The following PCBP3 variants were observed in gnomAD, a reference collection of about 807,000 sequenced individuals.
PCBP3 encodes the protein poly(rC)-binding protein 3.
PCBP3 carries 25 observed loss-of-function variants against 52.7 expected under a neutral mutation model. That is an observed-to-expected ratio of 0.47 (90% CI 0.35 to 0.66). PCBP3 has a LOEUF of 0.66. Among genes scored for constraint, PCBP3 ranks in the 30% least tolerant of loss-of-function variants. The pLI, the probability that PCBP3 is intolerant of heterozygous loss-of-function variation, is 0.01. For missense variants in PCBP3, 391 were observed against 490.3 expected, an observed-to-expected ratio of 0.80 and a Z score of 1.91; for synonymous variants, 162 against 183.0, an observed-to-expected ratio of 0.89 and a Z score of 0.93.
intron 4 of PCBP3, among the ~76,000 whole-genome samples, chr21:45,811,009 T>C (rs1415771087): frequency 1.3e-5 from 2 of 152,234 alleles, no homozygotes; most frequent in Admixed American, 6.5e-5. Context: ...TGACAACTTG[T>C]CTTTCATATC....
In PCBP3 at chr21:45,827,235, T is replaced by A. The variant is rs946193821; in HGVS notation, c.-125-22726T>A. ...GCTGAGGCCAGGGGCGGAACCTAGA[T>A]GCCTCTTCTAACCTGGCGGCAATGA... On this transcript the variant is annotated intron_variant, in intron 4 of 17. Coordinates refer to ENST00000681687, the MANE Select transcript of PCBP3 (RefSeq NM_001384156.1). This position sits in a 1 kb window ranked among gnomAD's most constrained non-coding sequence, Gnocchi z 4.3. Among the ~76,000 whole-genome samples the A allele has an allele frequency of 1.4e-4, 21 of 152,278 alleles. No homozygotes were observed. The highest frequency in any genetic ancestry group is 5.1e-4 in the African/African-American group (21 of 41,562).
chr21:45,733,868 A>G (rs901801684), intron 2 of PCBP3, among the ~76,000 whole-genome samples: 2 of 152,234 alleles, frequency 1.3e-5, no homozygotes, highest in Non-Finnish European at 2.9e-5. Context: ...CCTAAAGTGT[A>G]TAATAGCTGT....
intron 13 of PCBP3, among the ~76,000 whole-genome samples, chr21:45,923,243 TGA>T (rs1195382163): frequency 1.3e-5 from 2 of 152,200 alleles, no homozygotes; most frequent in Admixed American, 6.5e-5. Flanking sequence ...CTCACTGTAG[TGA>T]GAGAGTAGTC....
At chr21:45,902,061 G>A (rs527340749) in intron 9 of PCBP3, among the ~76,000 whole-genome samples, 3 of 152,290 alleles carry the variant, frequency 2.0e-5, no homozygotes, top group African/African-American at 7.2e-5. Context: ...CTTGGGAGTG[G>A]GAGAGAAGAG....
intron 2 of PCBP3, among the ~76,000 whole-genome samples, chr21:45,705,431 A>T (rs1225241237): frequency 6.6e-6 from 1 of 152,184 alleles, no homozygotes; most frequent in African/African-American, 2.4e-5. Flanking sequence ...TCGGCTGAAG[A>T]TGTCCCCTGT....
At position 45,800,869 on chromosome 21, in the gene PCBP3, G is replaced by A. The variant is rs1315476707; in HGVS notation, c.-126+45417G>A. 3.4e-5 allele frequency among the ~76,000 whole-genome samples: 5 copies of A among 148,442 alleles called. No homozygotes were observed. Among genetic ancestry groups the A allele is most frequent in the Admixed American group, 6.6e-5 (1 of 15,092 alleles). On this transcript the variant is annotated intron_variant, in intron 4 of 17. Coordinates refer to ENST00000681687, the MANE Select transcript of PCBP3 (RefSeq NM_001384156.1). The surrounding 1 kb of genome is among the most constrained non-coding windows in gnomAD (Gnocchi z 5.3). ...TGGGGTGTTTGAGCATGGGGTTCCC[G>A]CCTCCTCCTCCAAGTGACTTTCCTT...
At chr21:45,818,709 A>G (rs771020463) in intron 4 of PCBP3, among the ~76,000 whole-genome samples, 4 of 152,240 alleles carry the variant, frequency 2.6e-5, no homozygotes, top group African/African-American at 4.8e-5. Context: ...CAACCTGCAC[A>G]CAGATGTTTA....
chr21:45,892,098 A>T (rs1377368438), intron 5 of PCBP3, among the ~76,000 whole-genome samples: 1 of 152,022 alleles, frequency 6.6e-6, no homozygotes, highest in Non-Finnish European at 1.5e-5. Context: ...GGGAGTAGGG[A>T]GGGGAAGGGT....
rs369791690 is a variant in PCBP3 at position 45,798,719 on chromosome 21, T to C, written c.-126+43267T>C. Among the ~76,000 whole-genome samples the C allele has an allele frequency of 1.0e-3, 132 of 126,996 alleles. 1 individual carries two copies. Among genetic ancestry groups the C allele is most frequent in the African/African-American group, 3.6e-3 (119 of 33,210 alleles). The allele number at this position is 126,996 out of a possible 152,430, so 83.3% of individuals were successfully genotyped here. On this transcript the variant is annotated intron_variant, in intron 4 of 17. Coordinates refer to ENST00000681687, the MANE Select transcript of PCBP3 (RefSeq NM_001384156.1). ...GATCTGTAGAGAGAGTGAATGGATG[T>C]GTACATGGATGAATGCATGGATCCA...
intron 6 of PCBP3, among the ~76,000 whole-genome samples, chr21:45,897,957 G>A (rs183858736): frequency 7.9e-5 from 12 of 152,222 alleles, no homozygotes; most frequent in Admixed American, 5.9e-4. Flanking sequence ...GTGGCCTCCC[G>A]CCGGGAGGAG....
intron 3 of PCBP3, among the ~76,000 whole-genome samples, chr21:45,738,489 C>T (rs1232129719): frequency 2.0e-5 from 3 of 152,128 alleles, no homozygotes; most frequent in South Asian, 2.1e-4. Context: ...CTCCTGACCT[C>T]GTGATCCACA....
intron 4 of PCBP3, among the ~76,000 whole-genome samples, chr21:45,781,945 C>G (rs540631122): frequency 3.9e-5 from 6 of 152,188 alleles, no homozygotes; most frequent in African/African-American, 9.7e-5. Flanking sequence ...TATATACTTA[C>G]GATTTTTGGT....
rs868205383 is a variant in PCBP3 at position 45,924,244 on chromosome 21, G to A, written c.718-5673G>A. 4.5e-3 allele frequency among the ~76,000 whole-genome samples: 660 copies of A among 146,936 alleles called. 20 individuals are homozygous for A. The highest frequency in any genetic ancestry group is 7.3e-3 in the Non-Finnish European group (483 of 66,210). ...GGAGATGTGAACACTGGGAACAGTCGCGTGGATAGAAACAGCACACGTAAG... is the reference window on the plus strand; with the variant it reads ...GGAGATGTGAACACTGGGAACAGTCACGTGGATAGAAACAGCACACGTAAG... On this transcript the variant is annotated intron_variant, in intron 13 of 17. Transcript: ENST00000681687.
At chr21:45,691,544 A>T (rs2082481243) in intron 2 of PCBP3, among the ~76,000 whole-genome samples, 1 of 151,326 alleles carries the variant, frequency 6.6e-6, no homozygotes, top group African/African-American at 2.4e-5. Flanking sequence ...TAAATTAAAC[A>T]GAGAGAGGGA....
At chr21:45,706,558 C>T (rs1049501135) in intron 2 of PCBP3, among the ~76,000 whole-genome samples, 14 of 152,180 alleles carry the variant, frequency 9.2e-5, no homozygotes, top group African/African-American at 3.1e-4. Flanking sequence ...TAGCTCCCTC[C>T]CCAGTCCCCA....
At chr21:45,698,699 C>T (rs1338665739) in intron 2 of PCBP3, among the ~76,000 whole-genome samples, 2 of 152,208 alleles carry the variant, frequency 1.3e-5, no homozygotes, top group Non-Finnish European at 2.9e-5. Context: ...CTTGGCCCAG[C>T]CCCAAAAGAA....
intron 2 of PCBP3, among the ~76,000 whole-genome samples, chr21:45,677,054 C>G (rs1008089053): frequency 6.6e-6 from 1 of 152,072 alleles, no homozygotes; most frequent in Non-Finnish European, 1.5e-5. Flanking sequence ...TTAGCCACTG[C>G]GCCTGGCCAC....
At chr21:45,903,346 T>G (rs994661455) in intron 9 of PCBP3, among the ~76,000 whole-genome samples, 7 of 152,312 alleles carry the variant, frequency 4.6e-5, no homozygotes, top group Non-Finnish European at 7.3e-5. Flanking sequence ...CAGTAAACTT[T>G]AATAATTGGT....
chr21:45,784,353 C>G (rs1045906052), intron 4 of PCBP3, among the ~76,000 whole-genome samples: 2 of 136,520 alleles, frequency 1.5e-5, no homozygotes, highest in Non-Finnish European at 3.2e-5. Context: ...TCTACCTCTA[C>G]CTCTACCTCT....
Sources: allele counts gnomAD v4.1 joint callset (sites outside exome capture counted in the v4.1 genomes callset), GRCh38; gene constraint gnomAD v4.1.1; non-coding constraint Gnocchi (gnomAD v3.1); transcripts MANE v1.5; gene names NCBI Gene and HGNC (gene_info 2026-07-23, HGNC 2026-07-21).